Variants in KATNIP observed in about 807,000 individuals in gnomAD.
The protein encoded by KATNIP is katanin-interacting protein.
Under a neutral mutation model 174.0 loss-of-function variants are expected in KATNIP, and 126 were observed. The observed-to-expected ratio is 0.72, with a 90% CI of 0.63 to 0.84. KATNIP has a LOEUF of 0.84. KATNIP is among the 40% of genes least tolerant of loss of function. The pLI, the probability that KATNIP is intolerant of heterozygous loss-of-function variation, is 0.00. For synonymous variants in KATNIP, 810 were observed against 835.7 expected, an observed-to-expected ratio of 0.97 and a Z score of 0.53; for missense variants, 1,958 against 2,109.7, an observed-to-expected ratio of 0.93 and a Z score of 1.41.
chr16:27,729,572 C>A (rs947695619), intron 14 of KATNIP, among the ~76,000 whole-genome samples: 1 of 152,144 alleles, frequency 6.6e-6, no homozygotes, highest in Non-Finnish European at 1.5e-5. Context: ...TGAATTTATT[C>A]ATCAGCTTCC....
chr16:27,659,493 G>C (rs1393815303), intron 6 of KATNIP, among the ~76,000 whole-genome samples: 2 of 148,888 alleles, frequency 1.3e-5, no homozygotes, highest in East Asian at 3.9e-4. Context: ...CTGGGGGACA[G>C]AGCAAGACCC....
intron 2 of KATNIP, among the ~76,000 whole-genome samples, chr16:27,591,128 T>C (rs946979869): frequency 6.6e-6 from 1 of 152,128 alleles, no homozygotes; most frequent in Admixed American, 6.5e-5. Context: ...GAGAACCAAA[T>C]GGGATATTCC....
rs570606992 is a variant in KATNIP at position 27,633,421 on chromosome 16, A to G, written c.408+2259A>G. On this transcript the variant is annotated intron_variant, in intron 5 of 27. Transcript: ENST00000261588. The stretch of plus-strand genomic sequence containing the variant: ...TATATTTTTTATTTTTTTATATAAA[A>G]TAAAAATTTAAATACATTTTTATTT... Among the ~76,000 whole-genome samples the G allele has an allele frequency of 2.7e-5, 4 of 149,922 alleles. No individual in the cohort carries two copies. The East Asian group carries it at 5.8e-4, about 22-fold the overall frequency.
Position 27,708,913 on chromosome 16 carries a change from A to T in KATNIP, c.1598A>T (p.Asn533Ile), listed in dbSNP as rs776490171. ...GAGCTGGGCCGCCTCGTCAACAGGA[A>T]CTTAGCTGTGAGTGGAAGGGGCACT... ...PGELGRLVNR[N>I]LAGKKDSSPW... is the part of the protein sequence containing the mutation. Residue 533 changes from asparagine (N) to isoleucine (I), a missense_variant, in exon 13 of 28, where the codon AAC (asparagine) becomes ATC (isoleucine). Asn to Ile is a moderately radical substitution (Grantham distance 149). Transcript: ENST00000261588. 6.8e-6 allele frequency: 11 copies of T among 1,611,976 alleles called. 1 individual carries two copies. In the Admixed American group the frequency reaches 1.5e-4, roughly 22 times the overall value.
chr16:27,685,150 G>T (rs2078478214), intron 8 of KATNIP: 1 of 152,392 alleles, frequency 6.6e-6, no homozygotes, highest in Non-Finnish European at 1.5e-5. Flanking sequence ...ACTTTGGGAG[G>T]CCAAGGTGGG....
In KATNIP at chr16:27,698,485, A is replaced by C. The variant is rs141145566; in HGVS notation, c.1098A>C (p.Pro366=). Residue 366 remains proline (P), a synonymous_variant, in exon 9 of 28, where the codon CCA becomes CCC. Transcript: ENST00000261588. ...RALLSRKAEQ[P]ASPLQDAEGP... The stretch of plus-strand genomic sequence containing the variant: ...TCCTCAGCAGAAAGGCCGAGCAGCC[A>C]GCCAGCCCACTGCAGGTGCGCTCCG... 6.2e-7 allele frequency: 1 copy of C among 1,610,140 alleles called. No individual in the cohort carries two copies. Among genetic ancestry groups the C allele is most frequent in the South Asian group, 1.1e-5 (1 of 90,638 alleles).
At chr16:27,758,997 C>T (rs914844004) in intron 18 of KATNIP, among the ~76,000 whole-genome samples, 9 of 152,224 alleles carry the variant, frequency 5.9e-5, no homozygotes, top group Non-Finnish European at 2.9e-5. Context: ...AATAAATATT[C>T]GTTGACTGTT....
intron 2 of KATNIP, among the ~76,000 whole-genome samples, chr16:27,597,664 C>T (rs1462941034): frequency 6.6e-6 from 1 of 152,010 alleles, no homozygotes; most frequent in Non-Finnish European, 1.5e-5. Flanking sequence ...ACCTGCGTGG[C>T]TTTCTCTAGG....
intron 8 of KATNIP, among the ~76,000 whole-genome samples, chr16:27,690,624 C>T (rs79427851): frequency 0.023 from 3,432 of 152,190 alleles, 148 homozygotes; most frequent in African/African-American, 0.079. Context: ...AGAACATTGT[C>T]CCAGGGCACA....
At chr16:27,666,920 A>G (rs1053845456) in intron 6 of KATNIP, among the ~76,000 whole-genome samples, 5 of 152,200 alleles carry the variant, frequency 3.3e-5, no homozygotes, top group Admixed American at 1.3e-4. Flanking sequence ...TATGGATTAC[A>G]TAAGAGATGT....
chr16:27,629,724 T>A (rs1249554535), intron 4 of KATNIP, among the ~76,000 whole-genome samples: 1 of 152,200 alleles, frequency 6.6e-6, no homozygotes, highest in Non-Finnish European at 1.5e-5. Context: ...ATCTTTAAAA[T>A]GGGACTCAGT....
chr16:27,756,710 C>T (rs1227240765), intron 18 of KATNIP, among the ~76,000 whole-genome samples: 1 of 151,496 alleles, frequency 6.6e-6, no homozygotes, highest in Admixed American at 6.6e-5. Flanking sequence ...TTTTTTTTGG[C>T]AGGGGATGAA....
chr16:27,768,648 C>T (rs1174130479), intron 20 of KATNIP, among the ~76,000 whole-genome samples: 2 of 152,186 alleles, frequency 1.3e-5, no homozygotes, highest in Non-Finnish European at 2.9e-5. Flanking sequence ...AGGTAGGAAT[C>T]CCCCTTGAGG....
intron 11 of KATNIP, among the ~76,000 whole-genome samples, chr16:27,703,116 G>A (rs1279184129): frequency 6.6e-6 from 1 of 151,702 alleles, no homozygotes; most frequent in Admixed American, 6.6e-5. Flanking sequence ...GTAGTGAGCC[G>A]AGACTGTGCC....
At chr16:27,570,150 A>C (rs1181916237) in intron 1 of KATNIP, among the ~76,000 whole-genome samples, 1 of 152,216 alleles carries the variant, frequency 6.6e-6, no homozygotes, top group Non-Finnish European at 1.5e-5. Flanking sequence ...TCGGTTAATA[A>C]GAGTGAGGTC....
At chr16:27,745,816 G>A (rs1158920693) in intron 15 of KATNIP, among the ~76,000 whole-genome samples, 1 of 152,162 alleles carries the variant, frequency 6.6e-6, no homozygotes, top group African/African-American at 2.4e-5. Flanking sequence ...TTGTAGAAAT[G>A]TTGGTGACAA....
chr16:27,693,219 T>G (rs559357780), intron 8 of KATNIP, among the ~76,000 whole-genome samples: 1 of 152,304 alleles, frequency 6.6e-6, no homozygotes, highest in South Asian at 2.1e-4. Flanking sequence ...ATCTCTCCTG[T>G]TGCCCAGCAG....
chr16:27,735,474 G>C (rs779481662), intron 14 of KATNIP, among the ~76,000 whole-genome samples: 1 of 152,224 alleles, frequency 6.6e-6, no homozygotes, highest in Non-Finnish European at 1.5e-5. Context: ...TAATTTTGCA[G>C]AACCAGTCAT....
rs1156482919 is a variant in KATNIP at position 27,662,113 on chromosome 16, T to G, written c.540+13378T>G. The stretch of plus-strand genomic sequence containing the variant: ...ACACATACATATATATATATATATA[T>G]AGTATAAATGGGGTTTCACTGTGTT... On this transcript the variant is annotated intron_variant, in intron 6 of 27. Transcript: ENST00000261588. Among the ~76,000 whole-genome samples the G allele has an allele frequency of 5.3e-5, 7 of 131,772 alleles. 1 individual carries two copies. The South Asian group carries it at 1.7e-3, about 31-fold the overall frequency. 86.4% of individuals were successfully genotyped at this position (131,772 alleles called of 152,430 possible).
Sources: allele counts gnomAD v4.1 joint callset (sites outside exome capture counted in the v4.1 genomes callset), GRCh38; gene constraint gnomAD v4.1.1; transcripts MANE v1.5; gene names NCBI Gene and HGNC (gene_info 2026-07-23, HGNC 2026-07-21).